Variants in FANCA observed in about 807,000 individuals in gnomAD.
FANCA encodes the protein Fanconi anemia group A protein.
In FANCA, 236 loss-of-function variants were observed where a neutral mutation model predicts 194.3. The ratio of observed to expected loss-of-function variants is 1.21; its 90% confidence interval spans 1.09 to 1.35. The LOEUF (loss-of-function observed/expected upper bound fraction) is 1.35. Ranked by LOEUF, FANCA falls within the 40% of genes most tolerant of loss-of-function variation. The pLI, the probability that FANCA is intolerant of heterozygous loss-of-function variation, is 0.00. For missense variants in FANCA, 2,628 were observed against 1,813.9 expected (o/e 1.45, Z -8.15); for synonymous variants, 1,014 against 715.8 (o/e 1.42, Z -6.65).
chr16:89,771,949 C>G, intron 22 of FANCA, 135 bp from the exon 23 acceptor site: 1 of 1,049,544 alleles, frequency 9.5e-7, no homozygotes, highest in Non-Finnish European at 1.4e-6. Context: ...CAGCCAGGTG[C>G]TGAACACCAG....
At chr16:89,811,164 T>G (rs1290834807) in intron 3 of FANCA, 93 bp from the exon 4 acceptor site, 1 of 1,536,808 alleles carries the variant, frequency 6.5e-7, no homozygotes, top group East Asian at 2.3e-5. Context: ...TATTTTAAGA[T>G]GCAGCACAAA....
At chr16:89,808,625 G>A (rs7185013) in intron 5 of FANCA, among the ~76,000 whole-genome samples, 2 of 152,016 alleles carry the variant, frequency 1.3e-5, no homozygotes, top group African/African-American at 2.4e-5. Context: ...CTCTTCCTAC[G>A]CACTGTAGCC....
At chr16:89,805,434 C>A (rs780082205) in intron 6 of FANCA, 42 bp from the exon 7 acceptor site, 1 of 1,506,778 alleles carries the variant, frequency 6.6e-7, no homozygotes, top group African/African-American at 1.4e-5. Flanking sequence ...TCAACTAAAT[C>A]CCATCATCAG....
chr16:89,805,147 A>T (rs2040590983), intron 7 of FANCA, 133 bp downstream of exon 7: 2 of 710,770 alleles, frequency 2.8e-6, no homozygotes, highest in Non-Finnish European at 5.1e-6. Context: ...TGAGACTGGG[A>T]GTCTGTCATG....
In FANCA at chr16:89,805,299, G is replaced by A. The variant is rs942275917; in HGVS notation, c.690C>T (p.Val230=). 10 of 1,613,636 alleles carry A rather than the reference G, an allele frequency of 6.2e-6. No homozygotes were observed. The East Asian group carries it at 6.7e-5, about 11-fold the overall frequency. Residue 230 remains valine, a synonymous_variant, in exon 7 of 43, where the codon GTC becomes GTT. Coordinates refer to ENST00000389301, the MANE Select transcript of FANCA (RefSeq NM_000135.4). ...ACGCACCAGAAAGCATGGCCCTGGC[G>A]ACGTCAGCATGCTGGCAGGATGCTT... ...QMEASCQHAD[V]ARAMLSDFVQ...
intron 28 of FANCA, chr16:89,762,569 GAAAA>G: frequency 5.8e-6 from 1 of 173,226 alleles, no homozygotes; most frequent in Non-Finnish European, 1.2e-5. Flanking sequence ...CTATAAAAAG[GAAAA>G]AAAAAAAAAA....
intron 14 of FANCA, 126 bp from the exon 15 acceptor site, chr16:89,785,090 G>A (rs2039853066): frequency 6.9e-6 from 5 of 728,278 alleles, no homozygotes; most frequent in Non-Finnish European, 1.2e-5. Context: ...CACCTAGGCA[G>A]TGTCCTGTGT....
At chr16:89,759,330 A>T (rs1239038857) in intron 29 of FANCA, among the ~76,000 whole-genome samples, 20 of 145,198 alleles carry the variant, frequency 1.4e-4, no homozygotes, top group African/African-American at 4.8e-4. Context: ...AAAAAAAAAA[A>T]AAAAAAAAAA....
chr16:89,795,336 T>C (rs1048617472), intron 11 of FANCA, among the ~76,000 whole-genome samples: 1 of 150,152 alleles, frequency 6.7e-6, no homozygotes, highest in African/African-American at 2.5e-5. Flanking sequence ...AATAAAGATA[T>C]TTCTATTTTA....
At chr16:89,754,933 G>A (rs2038719222) in intron 30 of FANCA, among the ~76,000 whole-genome samples, 1 of 152,084 alleles carries the variant, frequency 6.6e-6, no homozygotes, top group South Asian at 2.1e-4. Context: ...ACCTAGAAAA[G>A]CCAAACCATC....
intron 17 of FANCA, 117 bp from the exon 18 acceptor site, chr16:89,780,074 G>C (rs770416263): frequency 8.6e-6 from 8 of 931,820 alleles, no homozygotes; most frequent in East Asian, 7.4e-5. Context: ...ACACATTAAA[G>C]GTAAAGGCCC....
chr16:89,757,199 T>G (rs2038796032), intron 30 of FANCA, among the ~76,000 whole-genome samples: 1 of 152,148 alleles, frequency 6.6e-6, no homozygotes, highest in Non-Finnish European at 1.5e-5. Context: ...TGAGCTCAGA[T>G]GATCCGCCTG....
intron 26 of FANCA, among the ~76,000 whole-genome samples, chr16:89,767,875 G>A (rs548646913): frequency 7.2e-5 from 11 of 152,150 alleles, no homozygotes; most frequent in African/African-American, 1.4e-4. Flanking sequence ...TAGTAGAGAC[G>A]GGGTTTCCCC....
chr16:89,739,793 C>T (rs1397636697), intron 39 of FANCA: 6 of 1,467,092 alleles, frequency 4.1e-6, no homozygotes, highest in Non-Finnish European at 5.4e-6. Flanking sequence ...ATGATAGGCC[C>T]ATTGGTCCTG....
At position 89,737,764 on chromosome 16, in the gene FANCA, G is replaced by A. The variant is rs780395605; in HGVS notation, c.*837C>T. On this transcript the variant is annotated 3_prime_UTR_variant, in exon 43 of 43. Coordinates refer to ENST00000389301, the MANE Select transcript of FANCA (RefSeq NM_000135.4). Reference sequence around the variant, plus strand: ...GTCATCGTCGTCCCCCCGGGAGGTTGGAGCATCAGGGGCCTGGACTCACTG... The same window carrying A: ...GTCATCGTCGTCCCCCCGGGAGGTTAGAGCATCAGGGGCCTGGACTCACTG... 2 of 1,611,530 alleles carry A rather than the reference G, an allele frequency of 1.2e-6. No homozygotes were observed. Among genetic ancestry groups the A allele is most frequent in the South Asian group, 1.1e-5 (1 of 90,888 alleles).
At chr16:89,810,077 C>A (rs1273878046) in intron 5 of FANCA, among the ~76,000 whole-genome samples, 1 of 151,920 alleles carries the variant, frequency 6.6e-6, no homozygotes, top group East Asian at 1.9e-4. Flanking sequence ...AATCCCAGCA[C>A]TTTGGGAGGC....
At chr16:89,778,765 G>A in intron 20 of FANCA, 36 bp downstream of exon 20, 1 of 1,593,460 alleles carries the variant, frequency 6.3e-7, no homozygotes, top group Non-Finnish European at 8.6e-7. Flanking sequence ...GAAGAAACCT[G>A]GAAGTAGTCA....
chr16:89,798,206 G>T (rs998929874), intron 10 of FANCA: 12 of 292,766 alleles, frequency 4.1e-5, no homozygotes, highest in Non-Finnish European at 5.8e-5. Context: ...TGCAAGCCAG[G>T]AAGAGGGTCC....
Position 89,738,668 on chromosome 16 carries a change from G to GCGCTCACCTCTGGGT in FANCA, c.4286_4300dup (p.Asp1429_Ser1433dup), listed in dbSNP as rs765072800. 1.9e-6 allele frequency: 3 copies of GCGCTCACCTCTGGGT among 1,613,780 alleles called. No individual in the cohort carries two copies. The highest frequency in any genetic ancestry group is 2.5e-6 in the Non-Finnish European group (3 of 1,180,030). The stretch of plus-strand genomic sequence containing the variant: ...AGCCTGCTGTCTGCTCTGGAGGGCG[G>GCGCTCACCTCTGGGT]CGCTCACCTCTGGGTCGCAGTCCCC... On this transcript the variant is annotated inframe_insertion, in exon 43 of 43. Transcript: ENST00000389301.
Sources: allele counts gnomAD v4.1 joint callset (sites outside exome capture counted in the v4.1 genomes callset), GRCh38; gene constraint gnomAD v4.1.1; transcripts MANE v1.5; gene names NCBI Gene and HGNC (gene_info 2026-07-23, HGNC 2026-07-21).